Variants in PLG observed in about 807,000 individuals in gnomAD.
The protein encoded by PLG is plasminogen.
Under a neutral mutation model 104.4 loss-of-function variants are expected in PLG, and 41 were observed. That is an observed-to-expected ratio of 0.39 (90% CI 0.31 to 0.51). The LOEUF (loss-of-function observed/expected upper bound fraction) is 0.51. PLG is among the 20% of genes least tolerant of loss of function. The pLI, the probability that PLG is intolerant of heterozygous loss-of-function variation, is 0.76. For missense variants in PLG, 891 were observed against 1,003.6 expected (o/e 0.89, Z 1.52); for synonymous variants, 337 against 357.1 (o/e 0.94, Z 0.63).
At chr6:160,706,583 T>A (rs1164789285) in intron 2 of PLG, 41 bp downstream of exon 2, 1 of 1,581,074 alleles carries the variant, frequency 6.3e-7, no homozygotes, top group Non-Finnish European at 8.7e-7. Flanking sequence ...AATCTGTAAT[T>A]CAGATGGCAA....
Position 160,741,392 on chromosome 6 carries a change from C to T in PLG, c.2100C>T (p.Phe700=). The stretch of plus-strand genomic sequence containing the variant: ...TGGTCGCTGACCGGACCGAATGTTT[C>T]ATCACTGGCTGGGGAGAAACCCAAG... ...NYVVADRTEC[F]ITGWGETQGT... The change falls in exon 17 of 19, where the codon TTC becomes TTT. Residue 700 remains phenylalanine (F), a synonymous_variant. Coordinates refer to ENST00000308192, the MANE Select transcript of PLG (RefSeq NM_000301.5). The surrounding 1 kb of genome is among the most constrained non-coding windows in gnomAD (Gnocchi z 4.7). The T allele has an allele frequency of 6.2e-7, 1 of 1,612,294 alleles. No individual in the cohort carries two copies. The highest frequency in any genetic ancestry group is 1.7e-4 in the Middle Eastern group (1 of 6,056).
chr6:160,716,287 T>C (rs1777728554), intron 6 of PLG, among the ~76,000 whole-genome samples: 1 of 152,194 alleles, frequency 6.6e-6, no homozygotes, highest in Non-Finnish European at 1.5e-5. Flanking sequence ...TTTTTACACA[T>C]GTAAACTGTT....
chr6:160,751,402 G>T (rs559444215), intron 17 of PLG, among the ~76,000 whole-genome samples: 6 of 152,182 alleles, frequency 3.9e-5, no homozygotes, highest in Non-Finnish European at 7.3e-5. Flanking sequence ...CTGTTTCACA[G>T]GACTATTGCG....
At chr6:160,721,638 G>T (rs559234337) in intron 9 of PLG, among the ~76,000 whole-genome samples, 60 of 152,262 alleles carry the variant, frequency 3.9e-4, no homozygotes, top group African/African-American at 1.3e-3. Flanking sequence ...ATTGACACTC[G>T]GCTGTTTCTT....
rs1266384683 is a variant in PLG at position 160,749,662 on chromosome 6, CCAT to C, written c.2126-2447_2126-2445del. On this transcript the variant is annotated intron_variant, in intron 17 of 18. Transcript: ENST00000308192. ...ACCACCACTACCACCACCATCACCA[CCAT>C]CATCACCATAACCATCATCACCACT... Among the ~76,000 whole-genome samples, 11 of 144,026 alleles carry C rather than the reference CCAT, an allele frequency of 7.6e-5. No homozygotes were observed. The East Asian group carries it at 9.9e-4, about 13-fold the overall frequency. 94.5% of individuals were successfully genotyped at this position (144,026 alleles called of 152,430 possible). A position where few individuals can be genotyped will look rare whatever the true frequency, so the allele number is the denominator to read the frequency against.
At chr6:160,748,386 A>AGAG (rs1562383400) in intron 17 of PLG, among the ~76,000 whole-genome samples, 7 of 41,294 alleles carry the variant, frequency 1.7e-4, no homozygotes, top group Non-Finnish European at 2.9e-4. Context: ...GAAAGAAAGA[A>AGAG]AGAAAGAAAG....
intron 9 of PLG, among the ~76,000 whole-genome samples, chr6:160,720,292 C>G (rs146787985): frequency 3.3e-5 from 5 of 151,644 alleles, no homozygotes; most frequent in Non-Finnish European, 7.4e-5. Context: ...TGTTTTTCAA[C>G]AGTTCGACTA....
Position 160,726,681 on chromosome 6 carries a change from ATC to A in PLG, c.1256+4120_1256+4121del, listed in dbSNP as rs1174615505. Among the ~76,000 whole-genome samples, 2 of 152,032 alleles carry A rather than the reference ATC, an allele frequency of 1.3e-5. No individual in the cohort carries two copies. Among genetic ancestry groups the A allele is most frequent in the African/African-American group, 2.4e-5 (1 of 41,464 alleles). ...AGGCTACATAATGTTTGATCACATT[ATC>A]TCTCTGATGGCTAATAAAATGTGTG... On this transcript the variant is annotated intron_variant, in intron 10 of 18. Transcript: ENST00000308192. This position sits in a 1 kb window ranked among gnomAD's most constrained non-coding sequence, Gnocchi z 4.4.
chr6:160,720,759 A>G (rs916051857), intron 9 of PLG, among the ~76,000 whole-genome samples: 1 of 151,932 alleles, frequency 6.6e-6, no homozygotes, highest in Non-Finnish European at 1.5e-5. Flanking sequence ...ATTCATAGCC[A>G]TTATCTGTTC....
chr6:160,719,983 T>A lies in PLG; in HGVS notation c.1096+1145T>A, dbSNP rs191590696. Among the ~76,000 whole-genome samples, 3 of 151,970 alleles carry A rather than the reference T, an allele frequency of 2.0e-5. No individual in the cohort carries two copies. The highest frequency in any genetic ancestry group is 7.3e-5 in the African/African-American group (3 of 41,320). ...TCTCATCTACTGGGGTAGATCTCAA[T>A]TTCCATCTGGTGTCAGTTTCTTTCT... On this transcript the variant is annotated intron_variant, in intron 9 of 18. Coordinates refer to ENST00000308192, the MANE Select transcript of PLG (RefSeq NM_000301.5). The surrounding 1 kb of genome is among the most constrained non-coding windows in gnomAD (Gnocchi z 4.1).
Position 160,738,767 on chromosome 6 carries a change from G to A in PLG, c.1877+155G>A, listed in dbSNP as rs1192667461. On this transcript the variant is annotated intron_variant, in intron 15 of 18. Transcript: ENST00000308192. The surrounding 1 kb of genome is among the most constrained non-coding windows in gnomAD (Gnocchi z 6.8). ...CCAGGGCAATTGGATAAGAGAGAAG[G>A]GAAGGGTTTCTAGAAAGAAACTGCA... Among the ~76,000 whole-genome samples, 1 of 152,134 alleles carries A rather than the reference G, an allele frequency of 6.6e-6. No individual in the cohort carries two copies.
chr6:160,744,206 G>A lies in PLG; in HGVS notation c.2125+2789G>A, dbSNP rs1431871145. Among the ~76,000 whole-genome samples the A allele has an allele frequency of 1.3e-5, 2 of 152,066 alleles. No homozygotes were observed. The highest frequency in any genetic ancestry group is 1.3e-4 in the Admixed American group (2 of 15,254). On this transcript the variant is annotated intron_variant, in intron 17 of 18. Transcript: ENST00000308192. This position sits in a 1 kb window ranked among gnomAD's most constrained non-coding sequence, Gnocchi z 4.5. ...ATTGGAGAGGAGACCCTCCTCCTCA[G>A]TTTTTTTGAACGGTTTCAGTAGGAA...
intron 1 of PLG, among the ~76,000 whole-genome samples, 175 bp downstream of exon 1, chr6:160,702,528 G>A (rs1777437059): frequency 6.6e-6 from 1 of 152,194 alleles, no homozygotes; most frequent in Admixed American, 6.5e-5. Flanking sequence ...AGTTTCCTGT[G>A]AAGATTGTCA....
At chr6:160,711,573 G>T in intron 4 of PLG, 5 of 1,609,336 alleles carry the variant, frequency 3.1e-6, no homozygotes, top group Non-Finnish European at 4.2e-6. Flanking sequence ...CACAATATGT[G>T]AATAAGCAGA....
At chr6:160,711,857 T>C (rs1777649876) in intron 4 of PLG, 30 of 1,395,004 alleles carry the variant, frequency 2.2e-5, no homozygotes, top group Non-Finnish European at 2.7e-5. Flanking sequence ...AAATAAGATA[T>C]AAAAATGAAA....
At chr6:160,707,407 C>G (rs1282144881) in intron 2 of PLG, among the ~76,000 whole-genome samples, 2 of 151,442 alleles carry the variant, frequency 1.3e-5, no homozygotes, top group Non-Finnish European at 2.9e-5. Flanking sequence ...CTTTCCAACC[C>G]AAAAACAAAA....
chr6:160,718,412 G>A lies in PLG; in HGVS notation c.906G>A (p.Gln302=). 6.2e-7 allele frequency: 1 copy of A among 1,613,922 alleles called. No individual in the cohort carries two copies. The highest frequency in any genetic ancestry group is 1.1e-5 in the South Asian group (1 of 91,082). Reference sequence around the variant, plus strand: ...ACACCTGTCAGCACTGGAGTGCACAGACCCCTCACACACATAACAGGACAC... The same window carrying A: ...ACACCTGTCAGCACTGGAGTGCACAAACCCCTCACACACATAACAGGACAC... The part of the protein sequence containing the change: ...SGHTCQHWSA[Q]TPHTHNRTPE... Residue 302 remains glutamine (Q), a synonymous_variant, in exon 8 of 19, where the codon CAG becomes CAA. Coordinates refer to ENST00000308192, the MANE Select transcript of PLG (RefSeq NM_000301.5).
intron 17 of PLG, among the ~76,000 whole-genome samples, chr6:160,748,309 AGAAAGAAAGAAG>A (rs1322027380): frequency 6.8e-6 from 1 of 146,908 alleles, no homozygotes; most frequent in Non-Finnish European, 1.5e-5. Flanking sequence ...TATGTGAGAA[AGAAAGAAAGAAG>A]GAAAGAAGGA....
Position 160,752,816 on chromosome 6 carries a change from T to A in PLG, c.2272-84T>A, listed in dbSNP as rs1018767263. ...TGATTTCAATTACTGGGAAAATGTA[T>A]ATATGGATAGTAGAAGGATGGCATC... is the stretch of plus-strand genomic sequence containing the variant. On this transcript the variant is annotated intron_variant, in intron 18 of 18. Transcript: ENST00000308192. The surrounding 1 kb of genome is among the most constrained non-coding windows in gnomAD (Gnocchi z 4.7). 1.8e-5 allele frequency: 26 copies of A among 1,445,732 alleles called. No individual in the cohort carries two copies. Among genetic ancestry groups the A allele is most frequent in the Middle Eastern group, 3.5e-4 (2 of 5,774 alleles). The allele number at this position is 1,445,732 out of a possible 1,614,324, so 89.6% of individuals were successfully genotyped here. A position where few individuals can be genotyped will look rare whatever the true frequency, so the allele number is the denominator to read the frequency against.
Sources: gnomAD v4.1 joint callset for allele counts (sites outside exome capture counted in the v4.1 genomes callset) on GRCh38, gnomAD v4.1.1 for gene constraint, Gnocchi (gnomAD v3.1) non-coding constraint, MANE v1.5 for transcripts, NCBI Gene and HGNC (gene_info 2026-07-23, HGNC 2026-07-21) for gene names.